CLSTN2: variants seen among roughly 807,000 people sequenced by gnomAD.
The protein encoded by CLSTN2 is calsyntenin-2.
A neutral mutation model predicts 101.2 loss-of-function variants in CLSTN2; 48 were observed. The ratio of observed to expected loss-of-function variants is 0.47; its 90% CI spans 0.38 to 0.60. The LOEUF is 0.60. Among genes scored for constraint, CLSTN2 ranks in the 20% least tolerant of loss-of-function variants. CLSTN2 has a pLI of 0.00. For missense variants in CLSTN2, 1,160 were observed against 1,238.2 expected (o/e 0.94, Z 0.95); for synonymous variants, 481 against 463.6 (o/e 1.04, Z -0.48).
intron 2 of CLSTN2, among the ~76,000 whole-genome samples, chr3:140,333,144 G>A (rs575190566): frequency 7.2e-5 from 11 of 152,234 alleles, no homozygotes; most frequent in South Asian, 2.1e-4. Context: ...TCCTTTCGGC[G>A]TCACTTCTCT....
intron 2 of CLSTN2, among the ~76,000 whole-genome samples, chr3:140,369,816 A>G (rs1026779): frequency 0.44 from 66,308 of 152,002 alleles, 15,167 homozygotes; most frequent in Non-Finnish European, 0.5. Context: ...GGAGAATCAT[A>G]TCTATAGATG....
intron 2 of CLSTN2, among the ~76,000 whole-genome samples, chr3:140,177,371 T>C (rs1377226510): frequency 2.0e-5 from 3 of 152,204 alleles, no homozygotes; most frequent in Non-Finnish European, 4.4e-5. Context: ...CTAACACATC[T>C]CTTTCTTGGA....
chr3:139,992,014 G>A (rs1181253985), intron 1 of CLSTN2, among the ~76,000 whole-genome samples: 1 of 152,166 alleles, frequency 6.6e-6, no homozygotes, highest in Non-Finnish European at 1.5e-5. Flanking sequence ...CTGTTATGTG[G>A]GGTGGGGATG....
At chr3:140,332,838 G>C (rs1390829333) in intron 2 of CLSTN2, among the ~76,000 whole-genome samples, 1 of 152,126 alleles carries the variant, frequency 6.6e-6, no homozygotes, top group African/African-American at 2.4e-5. Flanking sequence ...CTCATCCCCT[G>C]TTCATTTCCT....
chr3:140,354,977 C>T (rs1256829910), intron 2 of CLSTN2, among the ~76,000 whole-genome samples: 2 of 152,178 alleles, frequency 1.3e-5, no homozygotes, highest in Non-Finnish European at 2.9e-5. Context: ...ATTTGCTCCA[C>T]CCCATGTGAC....
chr3:140,436,301 T>C (rs1323522955), intron 5 of CLSTN2, among the ~76,000 whole-genome samples: 1 of 152,252 alleles, frequency 6.6e-6, no homozygotes, highest in Non-Finnish European at 1.5e-5. Context: ...CTTCTGCATA[T>C]GCATATCCAG....
rs1559863724 is a variant in CLSTN2, at chr3:140,418,504, TC to T, written c.638-2620del. On this transcript the variant is annotated intron_variant, in intron 4 of 16. Transcript: ENST00000458420. Reference sequence around the variant, plus strand: ...AGATTATTCTAGTTCTTTCTTTCTTTCTTTCTTTCTTTCTTTTTTTTTTTTT... The same window carrying T: ...AGATTATTCTAGTTCTTTCTTTCTTTTTTCTTTCTTTCTTTTTTTTTTTTT... Among the ~76,000 whole-genome samples, 337 of 99,674 alleles carry T rather than the reference TC, an allele frequency of 3.4e-3. 13 individuals carry two copies. The highest frequency in any genetic ancestry group is 0.012 in the African/African-American group (282 of 22,818). The allele number at this position is 99,674 out of a possible 152,430, so 65.4% of individuals were successfully genotyped here. A position where few individuals can be genotyped will look rare whatever the true frequency, so the allele number is the denominator to read the frequency against.
intron 2 of CLSTN2, among the ~76,000 whole-genome samples, chr3:140,179,620 CAAAAAAAAAAA>C (rs57433306): frequency 2.7e-5 from 1 of 37,464 alleles, no homozygotes; most frequent in African/African-American, 7.9e-5. Context: ...GACCCTATCT[CAAAAAAAAAAA>C]AAAAAAAAAA....
chr3:140,265,985 C>T (rs2086690637), intron 2 of CLSTN2, among the ~76,000 whole-genome samples: 1 of 152,188 alleles, frequency 6.6e-6, no homozygotes, highest in African/African-American at 2.4e-5. Flanking sequence ...CACTACATGG[C>T]CTCAGCTCAG....
intron 1 of CLSTN2, among the ~76,000 whole-genome samples, chr3:140,039,530 C>T (rs1198803174): frequency 6.6e-6 from 1 of 152,146 alleles, no homozygotes; most frequent in Non-Finnish European, 1.5e-5. Flanking sequence ...AAAGCATGAA[C>T]TATTTGTAAA....
At chr3:140,103,959 G>A (rs527253962) in intron 1 of CLSTN2, among the ~76,000 whole-genome samples, 2 of 152,348 alleles carry the variant, frequency 1.3e-5, no homozygotes, top group South Asian at 4.1e-4. Flanking sequence ...GGACATGATT[G>A]ATGGAGAAAG....
intron 1 of CLSTN2, among the ~76,000 whole-genome samples, chr3:140,168,971 A>C (rs935120265): frequency 9.2e-5 from 14 of 152,138 alleles, no homozygotes; most frequent in African/African-American, 3.1e-4. Context: ...ATTTTTAGCT[A>C]TGTCAGGTCT....
intron 9 of CLSTN2, among the ~76,000 whole-genome samples, chr3:140,539,216 A>G (rs349548): frequency 0.053 from 8,126 of 151,918 alleles, 258 homozygotes; most frequent in Admixed American, 0.077. Flanking sequence ...AATAATTAAT[A>G]TTTGTTAAAT....
chr3:140,163,977 G>C (rs1166168720), intron 1 of CLSTN2, among the ~76,000 whole-genome samples: 1 of 152,014 alleles, frequency 6.6e-6, no homozygotes, highest in Non-Finnish European at 1.5e-5. Context: ...AGGGGTTAAA[G>C]ATGTTTAAAA....
At chr3:140,216,212 C>T (rs1293530465) in intron 2 of CLSTN2, among the ~76,000 whole-genome samples, 1 of 152,116 alleles carries the variant, frequency 6.6e-6, no homozygotes. Context: ...AAACAACCCG[C>T]CTCCCACCCC....
intron 2 of CLSTN2, among the ~76,000 whole-genome samples, chr3:140,201,803 CAT>C (rs1371434725): frequency 1.3e-5 from 2 of 151,294 alleles, no homozygotes; most frequent in East Asian, 1.9e-4. Flanking sequence ...CGCACACACA[CAT>C]GTATATGTGT....
chr3:140,289,501 G>A (rs2086929520), intron 2 of CLSTN2, among the ~76,000 whole-genome samples: 1 of 152,144 alleles, frequency 6.6e-6, no homozygotes. Context: ...AGTAGGAACA[G>A]CACCATAGCC....
chr3:139,967,987 C>G (rs1017372498), intron 1 of CLSTN2, among the ~76,000 whole-genome samples: 28 of 150,620 alleles, frequency 1.9e-4, no homozygotes, highest in African/African-American at 6.1e-4. Flanking sequence ...ATATGTGTGT[C>G]TGTGTGTGTG....
At chr3:140,022,022 A>G (rs2007328831) in intron 1 of CLSTN2, among the ~76,000 whole-genome samples, 1 of 152,192 alleles carries the variant, frequency 6.6e-6, no homozygotes, top group Admixed American at 6.5e-5. Flanking sequence ...GCTGAAGGCC[A>G]GGCTGTTTTG....
Sources: gnomAD v4.1 joint callset for allele counts (sites outside exome capture counted in the v4.1 genomes callset) on GRCh38, gnomAD v4.1.1 for gene constraint, MANE v1.5 for transcripts, NCBI Gene and HGNC (gene_info 2026-07-23, HGNC 2026-07-21) for gene names.